Variants in GLB1L3 observed in about 807,000 individuals in gnomAD.
GLB1L3 encodes galactosidase beta 1 like 3, also known as beta-galactosidase-1-like protein 3.
In GLB1L3, 89 loss-of-function variants were observed where a neutral mutation model predicts 89.5. The observed-to-expected ratio is 0.99, with a 90% confidence interval of 0.84 to 1.19. GLB1L3 has a LOEUF of 1.19. Among genes scored for constraint, GLB1L3 ranks in the 50% most tolerant of loss-of-function variants. GLB1L3 has a pLI of 0.00. For synonymous variants in GLB1L3, 314 were observed against 312.3 expected (o/e 1.01, Z -0.06); for missense variants, 812 against 813.3 (o/e 1.00, Z 0.02).
At chr11:134,297,492 T>G (rs1941710460) in intron 9 of GLB1L3, among the ~76,000 whole-genome samples, 1 of 152,192 alleles carries the variant, frequency 6.6e-6, no homozygotes, top group Admixed American at 6.5e-5. Context: ...AATTAATAAT[T>G]TTTTGATTCC....
Position 134,293,184 on chromosome 11 carries a change from C to CT in GLB1L3, c.854dup (p.Asn286GlnfsTer5), listed in dbSNP as rs772723287. 8.1e-5 allele frequency: 131 copies of CT among 1,613,776 alleles called. 2 individuals carry two copies. Among genetic ancestry groups the CT allele is most frequent in the Non-Finnish European group, 1.0e-4 (119 of 1,179,800 alleles). ...AATTTGCAAAAACTTCACCAGGATA[C>CT]TTTCAATCAGCTTCATAAAGTCCAG... is the stretch of plus-strand genomic sequence containing the variant. On this transcript the variant is annotated frameshift_variant, in exon 9 of 20. Coordinates refer to ENST00000431683, the MANE Select transcript of GLB1L3 (RefSeq NM_001080407.3). LOFTEE classifies it high-confidence loss of function.
At chr11:134,318,447 A>G (rs986892777) in intron 18 of GLB1L3, among the ~76,000 whole-genome samples, 184 bp from the exon 19 acceptor site, 22 of 152,292 alleles carry the variant, frequency 1.4e-4, no homozygotes, top group Admixed American at 1.2e-3. Flanking sequence ...GGTTGGTTCT[A>G]TTTATGCTTT....
intron 9 of GLB1L3, among the ~76,000 whole-genome samples, chr11:134,301,948 T>C (rs1485880832): frequency 6.6e-6 from 1 of 152,014 alleles, no homozygotes; most frequent in Non-Finnish European, 1.5e-5. Flanking sequence ...TTTCAAACTT[T>C]TGTAAATTGT....
Position 134,313,874 on chromosome 11 carries a change from C to A in GLB1L3, c.1580-67C>A, listed in dbSNP as rs1048585412. ...CATGTACAAGTCTGCATTGCTTTGT[C>A]CCAGATGCTAGAGAATATCCAGTCC... On this transcript the variant is annotated intron_variant, in intron 16 of 19. Transcript: ENST00000431683. 54 of 1,032,500 alleles carry A rather than the reference C, an allele frequency of 5.2e-5. 1 individual carries two copies. The Admixed American group carries it at 1.0e-3, about 20-fold the overall frequency. 64.0% of individuals were successfully genotyped at this position (1,032,500 alleles called of 1,614,324 possible). A position where few individuals can be genotyped will look rare whatever the true frequency, so the allele number is the denominator to read the frequency against.
chr11:134,288,573 A>C (rs1223600267), intron 6 of GLB1L3, among the ~76,000 whole-genome samples: 1 of 152,158 alleles, frequency 6.6e-6, no homozygotes, highest in Non-Finnish European at 1.5e-5. Flanking sequence ...ACCAGAGGGA[A>C]ACCTGGCAGT....
intron 10 of GLB1L3, among the ~76,000 whole-genome samples, chr11:134,308,500 T>C (rs1249933148): frequency 3.9e-4 from 6 of 15,458 alleles, no homozygotes; most frequent in African/African-American, 5.9e-4. Flanking sequence ...CACCACCAAA[T>C]ACCACCACCA....
At chr11:134,320,674 A>C (rs866371321), downstream of GLB1L3, among the ~76,000 whole-genome samples, 2 of 152,092 alleles carry the variant, frequency 1.3e-5, no homozygotes, top group Non-Finnish European at 2.9e-5. Context: ...CTTTCAGTGC[A>C]CTTAGAGAAA....
In GLB1L3 at chr11:134,292,705, C is replaced by T. The variant is rs993259377; in HGVS notation, c.812-440C>T. On this transcript the variant is annotated intron_variant, in intron 8 of 19. Transcript: ENST00000431683. ...AAGTGGCAGGAAGATTCTGGACGGA[C>T]TCATCAGATGGCAATAGTGAGGGAC... 1.5e-5 allele frequency: 4 copies of T among 263,326 alleles called. No individual in the cohort carries two copies. In the Admixed American group the frequency reaches 2.0e-4, roughly 13 times the overall value. The allele number at this position is 263,326 out of a possible 1,614,324, so 16.3% of individuals were successfully genotyped here.
intron 8 of GLB1L3, 178 bp from the exon 9 acceptor site, chr11:134,292,967 G>A (rs2136148889): frequency 4.6e-6 from 3 of 646,740 alleles, no homozygotes; most frequent in Middle Eastern, 4.0e-4. Flanking sequence ...TGTCAGGGAT[G>A]TGGCGATGGC....
At position 134,301,136 on chromosome 11, in the gene GLB1L3, A is replaced by G. The variant is rs139477549; in HGVS notation, c.877-5988A>G. Among the ~76,000 whole-genome samples, 1,050 of 152,298 alleles carry G rather than the reference A, an allele frequency of 6.9e-3. 15 individuals carry two copies. The highest frequency in any genetic ancestry group is 0.024 in the African/African-American group (992 of 41,540). ...GTGTTATATTAGAGGATCTAGCCCCAGGTAAGCAAGTGGCTTGGGTCCAGC... is the reference window on the plus strand; with the variant it reads ...GTGTTATATTAGAGGATCTAGCCCCGGGTAAGCAAGTGGCTTGGGTCCAGC... On this transcript the variant is annotated intron_variant, in intron 9 of 19. Transcript: ENST00000431683.
chr11:134,288,652 A>G (rs1941155384), intron 6 of GLB1L3, 146 bp from the exon 7 acceptor site: 1 of 564,238 alleles, frequency 1.8e-6, no homozygotes, highest in Non-Finnish European at 3.1e-6. Context: ...CTCTAACTCC[A>G]GCGCTGGAGC....
chr11:134,284,212 C>T (rs183412180), intron 6 of GLB1L3, among the ~76,000 whole-genome samples: 5 of 152,280 alleles, frequency 3.3e-5, no homozygotes, highest in Admixed American at 2.6e-4. Flanking sequence ...CACCTTCCAC[C>T]CTGTCCCAAA....
chr11:134,276,685 GC>G lies in GLB1L3; in HGVS notation c.-54del. The G allele has an allele frequency of 7.2e-7, 1 of 1,390,800 alleles. No individual in the cohort carries two copies. The highest frequency in any genetic ancestry group is 9.3e-7 in the Non-Finnish European group (1 of 1,070,396). 86.2% of individuals were successfully genotyped at this position (1,390,800 alleles called of 1,614,324 possible). A position where few individuals can be genotyped will look rare whatever the true frequency, so the allele number is the denominator to read the frequency against. ...GTCCCGGCCCGAGCGCGGCGTCGGG[GC>G]CAGCGGAGAGGGGCGGAAGCCGCAA... On this transcript the variant is annotated 5_prime_UTR_variant, in exon 1 of 20. Transcript: ENST00000431683.
chr11:134,297,582 C>T (rs956159246), intron 9 of GLB1L3, among the ~76,000 whole-genome samples: 42 of 151,906 alleles, frequency 2.8e-4, no homozygotes, highest in Admixed American at 2.2e-3. Context: ...AAATATAGGC[C>T]GGGCGCGGTG....
intron 11 of GLB1L3, 164 bp from the exon 12 acceptor site, chr11:134,310,407 G>A: frequency 1.7e-6 from 1 of 602,028 alleles, no homozygotes; most frequent in Non-Finnish European, 3.0e-6. Context: ...CCCAGGAAGA[G>A]TTGTGGGGAA....
chr11:134,310,481 C>G (rs780347043), intron 11 of GLB1L3, 90 bp from the exon 12 acceptor site: 4 of 914,148 alleles, frequency 4.4e-6, no homozygotes, highest in African/African-American at 3.3e-5. Context: ...GTCTCACTCA[C>G]GGTGGCCCTG....
chr11:134,313,561 A>C, intron 16 of GLB1L3, 87 bp downstream of exon 16: 3 of 1,100,254 alleles, frequency 2.7e-6, no homozygotes, highest in Non-Finnish European at 4.0e-6. Flanking sequence ...GAGGGTGGGG[A>C]AACCAGCCGC....
Position 134,319,288 on chromosome 11 carries a change from A to G in GLB1L3, c.*346A>G, listed in dbSNP as rs1391905857. The G allele has an allele frequency of 1.4e-5, 3 of 213,818 alleles. No homozygotes were observed. In the South Asian group the frequency reaches 2.9e-4, roughly 21 times the overall value. 13.2% of individuals were successfully genotyped at this position (213,818 alleles called of 1,614,324 possible). On this transcript the variant is annotated 3_prime_UTR_variant, in exon 20 of 20. Transcript: ENST00000431683. Reference sequence around the variant, plus strand: ...TTTTTTGGGTTGCTGGAGTTCATCTATAAGTCATTTTTGAGGAATAAGATT... The same window carrying G: ...TTTTTTGGGTTGCTGGAGTTCATCTGTAAGTCATTTTTGAGGAATAAGATT...
chr11:134,311,217 G>T (rs1301205807), intron 13 of GLB1L3, 47 bp downstream of exon 13: 6 of 1,332,156 alleles, frequency 4.5e-6, no homozygotes, highest in Admixed American at 1.7e-5. Context: ...TTGGAGGGAT[G>T]GGGGAGGGAT....
Sources: gnomAD v4.1 joint callset for allele counts (sites outside exome capture counted in the v4.1 genomes callset) on GRCh38, gnomAD v4.1.1 for gene constraint, MANE v1.5 for transcripts, NCBI Gene and HGNC (gene_info 2026-07-23, HGNC 2026-07-21) for gene names.